The following PTPN2 variants were observed in gnomAD, a reference collection of about 807,000 sequenced individuals.
PTPN2 encodes protein tyrosine phosphatase non-receptor type 2.
In PTPN2, 19 loss-of-function variants were observed where a neutral mutation model predicts 57.3. That is an observed-to-expected ratio of 0.33 (90% CI 0.23 to 0.49). The LOEUF is 0.49. Among genes scored for constraint, PTPN2 ranks in the 20% least tolerant of loss-of-function variants. The pLI is 0.99. For synonymous variants in PTPN2, 153 were observed against 164.9 expected, an observed-to-expected ratio of 0.93 and a Z score of 0.55; for missense variants, 358 against 501.1, an observed-to-expected ratio of 0.71 and a Z score of 2.73.
At chr18:12,799,573 A>G (rs2041329514) in intron 8 of PTPN2, among the ~76,000 whole-genome samples, 1 of 150,258 alleles carries the variant, frequency 6.7e-6, no homozygotes, top group South Asian at 2.1e-4. Flanking sequence ...CCCTGATCCT[A>G]TGCTCTTCTT....
intron 7 of PTPN2, 84 bp downstream of exon 7, chr18:12,814,119 G>A: frequency 9.1e-7 from 1 of 1,101,708 alleles, no homozygotes; most frequent in Non-Finnish European, 1.3e-6. Context: ...TTGAAACAAA[G>A]ACAAGGGCTC....
intron 4 of PTPN2, among the ~76,000 whole-genome samples, chr18:12,830,272 C>T (rs1030864198): frequency 2.0e-5 from 3 of 151,988 alleles, no homozygotes; most frequent in Admixed American, 6.6e-5. Flanking sequence ...GCCTCAGCCT[C>T]CCAAGTAGCT....
At chr18:12,819,897 T>G (rs1305072497) in intron 5 of PTPN2, among the ~76,000 whole-genome samples, 1 of 152,182 alleles carries the variant, frequency 6.6e-6, no homozygotes, top group Non-Finnish European at 1.5e-5. Flanking sequence ...AATAACCCAC[T>G]TTGTTTCTTA....
intron 5 of PTPN2, among the ~76,000 whole-genome samples, chr18:12,825,003 T>C (rs1302944144): frequency 1.3e-5 from 2 of 152,156 alleles, no homozygotes; most frequent in African/African-American, 2.4e-5. Context: ...GGAGGATTTC[T>C]TGAGGCCAGG....
rs551064407 is a variant in PTPN2 at position 12,878,227 on chromosome 18, G to C, written c.69+5846C>G. Among the ~76,000 whole-genome samples, 5 of 151,914 alleles carry C rather than the reference G, an allele frequency of 3.3e-5. No homozygotes were observed. The South Asian group carries it at 1.0e-3, about 32-fold the overall frequency. On this transcript the variant is annotated intron_variant, in intron 1 of 8. Transcript: ENST00000309660. ...AGCTACGTGGGGGACTGAGGCAGGA[G>C]GATGTCTAAAGCCCAAGAGGTCGAG...
intron 7 of PTPN2, among the ~76,000 whole-genome samples, chr18:12,810,231 G>A (rs2041844269): frequency 6.6e-6 from 1 of 152,086 alleles, no homozygotes; most frequent in African/African-American, 2.4e-5. Context: ...AGGCATGGTG[G>A]TGCAAGCCTG....
intron 1 of PTPN2, among the ~76,000 whole-genome samples, chr18:12,870,470 G>T (rs1266175318): frequency 1.2e-5 from 1 of 84,620 alleles, no homozygotes. Flanking sequence ...TATAGAGAGA[G>T]AGAGAGAGAG....
chr18:12,860,157 T>C (rs1421604821), intron 1 of PTPN2, among the ~76,000 whole-genome samples: 1 of 151,828 alleles, frequency 6.6e-6, no homozygotes, highest in Non-Finnish European at 1.5e-5. Flanking sequence ...GGCGTGGTGA[T>C]GGGTGCCTGT....
At chr18:12,820,702 C>T (rs536731951) in intron 5 of PTPN2, among the ~76,000 whole-genome samples, 7 of 152,320 alleles carry the variant, frequency 4.6e-5, no homozygotes, top group Admixed American at 4.6e-4. Flanking sequence ...ACCCCCCTCC[C>T]TACACACACG....
In PTPN2 at chr18:12,802,160, G is replaced by A; in HGVS notation, c.859-9C>T. On this transcript the variant is annotated splice_polypyrimidine_tract_variant and intron_variant, in intron 7 of 8. Transcript: ENST00000309660. ...AGTTCTTTCCATCGTTTCTAGGTAGGGAAGAGAAATGAAAAACAAATGCAA... is the reference window on the plus strand; with the variant it reads ...AGTTCTTTCCATCGTTTCTAGGTAGAGAAGAGAAATGAAAAACAAATGCAA... 1.3e-6 allele frequency: 2 copies of A among 1,563,388 alleles called. No homozygotes were observed. Among genetic ancestry groups the A allele is most frequent in the Non-Finnish European group, 1.7e-6 (2 of 1,160,776 alleles).
intron 2 of PTPN2, among the ~76,000 whole-genome samples, chr18:12,854,370 A>AAAG (rs1555675747): frequency 3.3e-5 from 5 of 149,978 alleles, no homozygotes; most frequent in Admixed American, 2.0e-4. Context: ...GAAAAAAAAA[A>AAAG]AAAAAGAAAA....
At chr18:12,822,960 A>C (rs2042322642) in intron 5 of PTPN2, among the ~76,000 whole-genome samples, 3 of 152,220 alleles carry the variant, frequency 2.0e-5, no homozygotes, top group Admixed American at 2.0e-4. Flanking sequence ...ATGATAAAAC[A>C]GGTACTGTTT....
At chr18:12,865,260 C>T (rs1297987784) in intron 1 of PTPN2, among the ~76,000 whole-genome samples, 1 of 151,616 alleles carries the variant, frequency 6.6e-6, no homozygotes, top group Non-Finnish European at 1.5e-5. Context: ...CAGACAGACC[C>T]CCATCTCTAT....
chr18:12,802,445 C>G (rs2145251745), intron 7 of PTPN2, among the ~76,000 whole-genome samples: 1 of 152,266 alleles, frequency 6.6e-6, no homozygotes, highest in South Asian at 2.1e-4. Flanking sequence ...ACAAACTATA[C>G]TGGGACCACA....
At chr18:12,844,321 A>G (rs568319113) in intron 2 of PTPN2, among the ~76,000 whole-genome samples, 1 of 152,384 alleles carries the variant, frequency 6.6e-6, no homozygotes, top group Admixed American at 6.5e-5. Flanking sequence ...GCTGGGTCAT[A>G]TAAGCTAAGT....
At chr18:12,803,092 C>G (rs2041490673) in intron 7 of PTPN2, among the ~76,000 whole-genome samples, 1 of 151,994 alleles carries the variant, frequency 6.6e-6, no homozygotes, top group Admixed American at 6.6e-5. Context: ...GTAAATTAAG[C>G]AACAAAATTA....
intron 2 of PTPN2, among the ~76,000 whole-genome samples, chr18:12,851,929 T>C (rs1264499787): frequency 2.6e-5 from 4 of 152,118 alleles, no homozygotes; most frequent in Non-Finnish European, 4.4e-5. Context: ...GTATGTCAAA[T>C]GAAATAAACC....
chr18:12,867,029 C>CA (rs71174146), intron 1 of PTPN2, among the ~76,000 whole-genome samples: 3,680 of 133,240 alleles, frequency 0.028, 142 homozygotes, highest in African/African-American at 0.086. Flanking sequence ...AACAAACAAA[C>CA]AAAAAAAAAA....
In PTPN2 at chr18:12,793,642, C is replaced by G. The variant is rs1750305795; in HGVS notation, c.*636G>C. The G allele has an allele frequency of 1.0e-6, 1 of 983,050 alleles. No homozygotes were observed. Among genetic ancestry groups the G allele is most frequent in the Non-Finnish European group, 1.2e-6 (1 of 827,402 alleles). The allele number at this position is 983,050 out of a possible 1,614,324, so 60.9% of individuals were successfully genotyped here. ...TATTCCAACTTCTAACTGCTCATAT[C>G]AAACTTCTCTTTAGAAAAATGGAAA... On this transcript the variant is annotated 3_prime_UTR_variant, in exon 9 of 9. Transcript: ENST00000309660.
Sources: gnomAD v4.1 joint callset for allele counts (sites outside exome capture counted in the v4.1 genomes callset) on GRCh38, gnomAD v4.1.1 for gene constraint, MANE v1.5 for transcripts, NCBI Gene and HGNC (gene_info 2026-07-23, HGNC 2026-07-21) for gene names.